The following SLC4A4 variants were observed in gnomAD, a reference collection of about 807,000 sequenced individuals.
The protein encoded by SLC4A4 is solute carrier family 4 member 4.
A neutral mutation model predicts 111.5 loss-of-function variants in SLC4A4; 27 were observed. The observed-to-expected ratio is 0.24, with a 90% CI of 0.18 to 0.33. The LOEUF (loss-of-function observed/expected upper bound fraction) is 0.33, where lower values mean the gene tolerates loss of function less well. Among genes scored for constraint, SLC4A4 ranks in the 10% least tolerant of loss-of-function variants. The pLI, the probability that SLC4A4 is intolerant of heterozygous loss-of-function variation, is 1.00. For missense variants in SLC4A4, 909 were observed against 1,315.5 expected (o/e 0.69, Z 4.78); for synonymous variants, 443 against 463.4 (o/e 0.96, Z 0.57).
chr4:71,563,954 T>C (rs1284015784), intron 24 of SLC4A4, 65 bp downstream of exon 24: 3 of 1,016,640 alleles, frequency 3.0e-6, no homozygotes, highest in East Asian at 2.4e-5. Context: ...GAAAACACTT[T>C]AGAATGGCCA....
intron 1 of SLC4A4, among the ~76,000 whole-genome samples, chr4:71,083,818 A>G (rs1406663044): frequency 7.9e-6 from 1 of 126,642 alleles, no homozygotes; most frequent in Non-Finnish European, 1.6e-5. Flanking sequence ...CCTAATGGAT[A>G]GTTTATGGAG....
Position 71,451,191 on chromosome 4 carries a change from G to A in SLC4A4, c.1212G>A (p.Lys404=). The change falls in exon 11 of 26, where the codon AAG becomes AAA. Residue 404 remains lysine (K), a synonymous_variant. Coordinates refer to ENST00000264485, the MANE Select transcript of SLC4A4 (RefSeq NM_001098484.3). ...TGGGCTCTGTTGTCTTGCTTAGAAAGAATATGTACTCAGGTGGAGAGAATG... is the reference window on the plus strand; with the variant it reads ...TGGGCTCTGTTGTCTTGCTTAGAAAAAATATGTACTCAGGTGGAGAGAATG... ...PKSLPSSDKR[K]NMYSGGENVQ... 14 of 1,592,532 alleles carry A rather than the reference G, an allele frequency of 8.8e-6. No individual in the cohort carries two copies. Among genetic ancestry groups the A allele is most frequent in the Non-Finnish European group, 1.2e-5 (14 of 1,160,436 alleles).
intron 18 of SLC4A4, among the ~76,000 whole-genome samples, chr4:71,535,645 T>C (rs1474979867): frequency 6.6e-6 from 1 of 151,978 alleles, no homozygotes; most frequent in Non-Finnish European, 1.5e-5. Context: ...AATATTGATA[T>C]GATTGGAAAG....
intron 6 of SLC4A4, among the ~76,000 whole-genome samples, chr4:71,376,186 C>T (rs1296166096): frequency 6.7e-6 from 1 of 150,066 alleles, no homozygotes; most frequent in African/African-American, 2.5e-5. Flanking sequence ...CACACACACA[C>T]ACACACATAT....
intron 2 of SLC4A4, among the ~76,000 whole-genome samples, chr4:71,181,174 A>AC (rs1009787041): frequency 7.5e-6 from 1 of 133,618 alleles, no homozygotes; most frequent in Non-Finnish European, 1.5e-5. Context: ...ATGAGAACAC[A>AC]TGGACACAGG....
At position 71,302,223 on chromosome 4, in the gene SLC4A4, T is replaced by C. The variant is rs530849433; in HGVS notation, c.254-37147T>C. 2.7e-3 allele frequency among the ~76,000 whole-genome samples: 414 copies of C among 152,290 alleles called. 1 individual carries two copies. Among genetic ancestry groups the C allele is most frequent in the Non-Finnish European group, 4.4e-3 (297 of 68,022 alleles). On this transcript the variant is annotated intron_variant, in intron 3 of 25. Transcript: ENST00000264485. ...AAACAATCAGGCTATTAATAAAGTA[T>C]GTTTAAGTGGTAGAGAGAGCAATGC... is the stretch of plus-strand genomic sequence containing the variant.
intron 2 of SLC4A4, among the ~76,000 whole-genome samples, chr4:71,175,237 C>T (rs1468012378): frequency 1.3e-5 from 2 of 152,174 alleles, no homozygotes; most frequent in Non-Finnish European, 2.9e-5. Flanking sequence ...TGAATAGGAA[C>T]AGCTCCAGTC....
intron 2 of SLC4A4, among the ~76,000 whole-genome samples, chr4:71,170,086 A>T (rs1264859515): frequency 6.6e-6 from 1 of 152,168 alleles, no homozygotes; most frequent in East Asian, 1.9e-4. Flanking sequence ...TGGATCCTTT[A>T]ACGTGAGCTG....
intron 7 of SLC4A4, among the ~76,000 whole-genome samples, chr4:71,403,751 C>G (rs2148989083): frequency 6.6e-6 from 1 of 152,276 alleles, no homozygotes; most frequent in Non-Finnish European, 1.5e-5. Flanking sequence ...CGGTGAGACA[C>G]TCTCTTAGGA....
intron 1 of SLC4A4, among the ~76,000 whole-genome samples, chr4:71,234,685 G>A (rs891034893): frequency 2.6e-5 from 4 of 152,136 alleles, no homozygotes; most frequent in Admixed American, 1.3e-4. Flanking sequence ...TTGGCCTGCC[G>A]AGGGATTACA....
intron 2 of SLC4A4, among the ~76,000 whole-genome samples, chr4:71,124,137 G>T (rs750665776): frequency 3.3e-5 from 5 of 150,936 alleles, no homozygotes; most frequent in Middle Eastern, 3.2e-3. Flanking sequence ...AATAACCACA[G>T]AACACATATC....
At chr4:71,389,649 C>T (rs1265160451) in intron 6 of SLC4A4, among the ~76,000 whole-genome samples, 1 of 152,160 alleles carries the variant, frequency 6.6e-6, no homozygotes, top group African/African-American at 2.4e-5. Context: ...CTGTCCAAGT[C>T]TGAAGGTTCT....
At chr4:71,508,349 A>T (rs374473812) in intron 16 of SLC4A4, among the ~76,000 whole-genome samples, 7 of 152,134 alleles carry the variant, frequency 4.6e-5, no homozygotes, top group African/African-American at 1.4e-4. Context: ...CTAGACTAAT[A>T]AAGAAGATAA....
intron 4 of SLC4A4, among the ~76,000 whole-genome samples, chr4:71,340,042 C>A (rs1284079295): frequency 6.6e-6 from 1 of 151,340 alleles, no homozygotes; most frequent in Non-Finnish European, 1.5e-5. Flanking sequence ...CATAATGGGA[C>A]CCCATCTCTA....
intron 6 of SLC4A4, among the ~76,000 whole-genome samples, chr4:71,387,399 A>G (rs1718849042): frequency 6.6e-6 from 1 of 152,018 alleles, no homozygotes; most frequent in Non-Finnish European, 1.5e-5. Context: ...TGAATCTGTC[A>G]TTTTTAAAGT....
intron 1 of SLC4A4, among the ~76,000 whole-genome samples, chr4:71,188,473 A>G (rs1242988371): frequency 6.6e-6 from 1 of 152,126 alleles, no homozygotes; most frequent in African/African-American, 2.4e-5. Context: ...AGTTGCTCCT[A>G]ATGAGAAATC....
chr4:71,181,950 G>T (rs2093508887), intron 2 of SLC4A4, among the ~76,000 whole-genome samples: 1 of 152,118 alleles, frequency 6.6e-6, no homozygotes, highest in African/African-American at 2.4e-5. Flanking sequence ...CATTACAGAA[G>T]GATAACAGGT....
chr4:71,281,683 A>G (rs1407268940), intron 3 of SLC4A4, among the ~76,000 whole-genome samples: 1 of 152,234 alleles, frequency 6.6e-6, no homozygotes, highest in Non-Finnish European at 1.5e-5. Context: ...CGTGTTAGGG[A>G]AATTCTCCCT....
chr4:71,437,601 C>A, intron 7 of SLC4A4: 2 of 521,552 alleles, frequency 3.8e-6, no homozygotes, highest in South Asian at 2.8e-5. Flanking sequence ...TTGTCTCACC[C>A]TTCAATTTGC....
Sources: gnomAD v4.1 joint callset for allele counts (sites outside exome capture counted in the v4.1 genomes callset) on GRCh38, gnomAD v4.1.1 for gene constraint, MANE v1.5 for transcripts, NCBI Gene and HGNC (gene_info 2026-07-23, HGNC 2026-07-21) for gene names.